Variants in SEC24A observed in about 807,000 individuals in gnomAD.
SEC24A encodes SEC24 homolog A, COPII component.
In SEC24A, 93 loss-of-function variants were observed where a neutral mutation model predicts 129.4. The observed-to-expected ratio is 0.72, with a 90% CI of 0.61 to 0.85. The LOEUF (loss-of-function observed/expected upper bound fraction) is 0.85, where lower values mean the gene tolerates loss of function less well. Ranked by LOEUF, SEC24A falls within the 40% of genes least tolerant of loss-of-function variation. The pLI is 0.00. For missense variants in SEC24A, 1,264 were observed against 1,307.4 expected, an observed-to-expected ratio of 0.97 and a Z score of 0.51; for synonymous variants, 460 against 467.3, an observed-to-expected ratio of 0.98 and a Z score of 0.20.
At chr5:134,658,096 C>T (rs1484306362) in intron 1 of SEC24A, among the ~76,000 whole-genome samples, 1 of 152,054 alleles carries the variant, frequency 6.6e-6, no homozygotes, top group Non-Finnish European at 1.5e-5. Context: ...TGGTGAAATC[C>T]CGTCTCTACT....
At chr5:134,660,763 C>T (rs1417370677) in intron 1 of SEC24A, among the ~76,000 whole-genome samples, 1 of 151,978 alleles carries the variant, frequency 6.6e-6, no homozygotes, top group East Asian at 1.9e-4. Flanking sequence ...CACCATGTTG[C>T]CCAGGCTGGT....
chr5:134,693,582 C>A, intron 12 of SEC24A, 145 bp from the exon 13 acceptor site: 1 of 1,434,346 alleles, frequency 7.0e-7, no homozygotes. Flanking sequence ...GCTTTCTTGT[C>A]ATTTGACCAA....
intron 17 of SEC24A, among the ~76,000 whole-genome samples, chr5:134,708,287 T>C (rs564801530): frequency 1.3e-3 from 195 of 152,220 alleles, no homozygotes; most frequent in Non-Finnish European, 2.6e-3. Context: ...CTGGGCAACA[T>C]AGGGAGACTT....
At position 134,705,088 on chromosome 5, in the gene SEC24A, A is replaced by ATTT. The variant is rs1252732652; in HGVS notation, c.2441-238_2441-237insTTT. Among the ~76,000 whole-genome samples the ATTT allele has an allele frequency of 6.5e-4, 84 of 129,302 alleles. 1 individual carries two copies. The East Asian group carries it at 6.8e-3, about 10-fold the overall frequency. The allele number at this position is 129,302 out of a possible 152,430, so 84.8% of individuals were successfully genotyped here. On this transcript the variant is annotated intron_variant, in intron 16 of 22. Coordinates refer to ENST00000398844, the MANE Select transcript of SEC24A (RefSeq NM_021982.3). The stretch of plus-strand genomic sequence containing the variant: ...TTTATATTTATATATATATATATAT[A>ATTT]TATTTTTTTTTTTTTAATTAATTTA...
chr5:134,714,305 C>T (rs1752416161), intron 18 of SEC24A, among the ~76,000 whole-genome samples: 1 of 152,110 alleles, frequency 6.6e-6, no homozygotes, highest in African/African-American at 2.4e-5. Flanking sequence ...ACCCCCCAGC[C>T]ACATACCGGT....
chr5:134,688,368 TG>T (rs1044611966), intron 11 of SEC24A, 69 bp downstream of exon 11: 10 of 924,364 alleles, frequency 1.1e-5, no homozygotes, highest in Non-Finnish European at 1.8e-5. Flanking sequence ...CTTGACAAAT[TG>T]GATGTGTGTT....
chr5:134,717,367 C>T (rs545984365), intron 19 of SEC24A, among the ~76,000 whole-genome samples: 1 of 151,666 alleles, frequency 6.6e-6, no homozygotes, highest in South Asian at 2.1e-4. Context: ...ATTAGCCGGG[C>T]ATGGTGGCGC....
At chr5:134,692,416 A>G (rs1311532640) in intron 11 of SEC24A, among the ~76,000 whole-genome samples, 186 bp from the exon 12 acceptor site, 1 of 152,198 alleles carries the variant, frequency 6.6e-6, no homozygotes, top group Admixed American at 6.6e-5. Context: ...GAAAATTTGC[A>G]GTAGATACCT....
chr5:134,675,826 T>C (rs1437718707), intron 6 of SEC24A, among the ~76,000 whole-genome samples, 197 bp from the exon 7 acceptor site: 1 of 152,226 alleles, frequency 6.6e-6, no homozygotes, highest in Admixed American at 6.5e-5. Context: ...ATTTTAGTTA[T>C]AGGATAACCA....
intron 19 of SEC24A, among the ~76,000 whole-genome samples, chr5:134,716,643 C>T (rs1752483810): frequency 6.7e-6 from 1 of 150,170 alleles, no homozygotes; most frequent in Non-Finnish European, 1.5e-5. Flanking sequence ...ACTAAAAATA[C>T]AAAAATTAAC....
At chr5:134,667,031 GT>G in intron 3 of SEC24A, 35 bp downstream of exon 3, 1 of 1,501,914 alleles carries the variant, frequency 6.7e-7, no homozygotes, top group Non-Finnish European at 8.9e-7. Context: ...AAATCCTCAA[GT>G]TTTGACTTAG....
intron 11 of SEC24A, among the ~76,000 whole-genome samples, chr5:134,692,326 C>T (rs984495388): frequency 1.1e-4 from 16 of 152,074 alleles, no homozygotes; most frequent in African/African-American, 3.6e-4. Context: ...GGATTACAGG[C>T]GTGTACTACT....
chr5:134,658,986 A>T (rs529002186), intron 1 of SEC24A, among the ~76,000 whole-genome samples: 1 of 152,182 alleles, frequency 6.6e-6, no homozygotes, highest in East Asian at 1.9e-4. Flanking sequence ...CTTCTGCTTA[A>T]AATAATTTTT....
chr5:134,727,360 A>G lies in SEC24A; in HGVS notation c.*2266A>G, dbSNP rs1255632270. The G allele has an allele frequency of 6.6e-6, 1 of 152,612 alleles. No individual in the cohort carries two copies. Among genetic ancestry groups the G allele is most frequent in the African/African-American group, 2.4e-5 (1 of 41,448 alleles). The allele number at this position is 152,612 out of a possible 1,614,324, so 9.5% of individuals were successfully genotyped here. On this transcript the variant is annotated 3_prime_UTR_variant, in exon 23 of 23. Coordinates refer to ENST00000398844, the MANE Select transcript of SEC24A (RefSeq NM_021982.3). ...TAAATCTGAGCATGGCAGTTCTACC[A>G]TAAAAAGTACTCTATTTTTCTAATT...
rs184449222 is a variant in SEC24A at position 134,697,985 on chromosome 5, C to A, written c.2194C>A (p.Gln732Lys). ...CAACCCAGTCCAAGTACAGAAATTA[C>A]AGAAGGAACTACAGAGATACCTTAC... ...QHNPVQVQKL[Q>K]KELQRYLTRK... Residue 732 changes from glutamine (Q) to lysine (K), a missense_variant, in exon 15 of 23, where the codon CAG becomes AAG. Coordinates refer to ENST00000398844, the MANE Select transcript of SEC24A (RefSeq NM_021982.3). 3 of 1,613,762 alleles carry A rather than the reference C, an allele frequency of 1.9e-6. No homozygotes were observed. In the East Asian group the frequency reaches 6.7e-5, roughly 36 times the overall value.
At chr5:134,689,766 G>GAA (rs748091382) in intron 11 of SEC24A, among the ~76,000 whole-genome samples, 7 of 92,778 alleles carry the variant, frequency 7.5e-5, no homozygotes, top group Non-Finnish European at 1.4e-4. Context: ...TCCATCTCAA[G>GAA]AAAAAAAAAA....
chr5:134,676,144 C>G lies in SEC24A; in HGVS notation c.1254+19C>G. On this transcript the variant is annotated intron_variant, in intron 7 of 22. Coordinates refer to ENST00000398844, the MANE Select transcript of SEC24A (RefSeq NM_021982.3). ...CTTAGTGGTATGTTTCTTTTCTTTT[C>G]TTTTTTTTTTTTTGAGACGGAGTCT... 2 of 1,275,860 alleles carry G rather than the reference C, an allele frequency of 1.6e-6. No individual in the cohort carries two copies. The highest frequency in any genetic ancestry group is 2.2e-6 in the Non-Finnish European group (2 of 929,794). The allele number at this position is 1,275,860 out of a possible 1,614,324, so 79.0% of individuals were successfully genotyped here.
At chr5:134,677,833 C>CA (rs112969795) in intron 7 of SEC24A, among the ~76,000 whole-genome samples, 1,144 of 111,314 alleles carry the variant, frequency 0.01, 19 homozygotes, top group East Asian at 0.032. Context: ...GAGACTGTCT[C>CA]AAAAAAAAAA....
chr5:134,652,163 C>T (rs1179484383), intron 1 of SEC24A, among the ~76,000 whole-genome samples: 1 of 152,120 alleles, frequency 6.6e-6, no homozygotes, highest in Non-Finnish European at 1.5e-5. Context: ...CTCAGGTGAT[C>T]CGCCCGCGTC....
Sources: gnomAD v4.1 joint callset for allele counts (sites outside exome capture counted in the v4.1 genomes callset) on GRCh38, gnomAD v4.1.1 for gene constraint, MANE v1.5 for transcripts, NCBI Gene and HGNC (gene_info 2026-07-23, HGNC 2026-07-21) for gene names.